KAZN: variants seen among roughly 807,000 people sequenced by gnomAD.
KAZN encodes the protein kazrin, periplakin interacting protein.
Under a neutral mutation model 87.4 loss-of-function variants are expected in KAZN, and 40 were observed. That is an observed-to-expected ratio of 0.46 (90% CI 0.36 to 0.60). The LOEUF is 0.60. Among genes scored for constraint, KAZN ranks in the 20% least tolerant of loss-of-function variants. KAZN has a pLI of 0.00. For missense variants in KAZN, 898 were observed against 1,073.9 expected, an observed-to-expected ratio of 0.84 and a Z score of 2.29; for synonymous variants, 466 against 458.3, an observed-to-expected ratio of 1.02 and a Z score of -0.22.
intron 2 of KAZN, among the ~76,000 whole-genome samples, chr1:14,259,870 A>G (rs1460032287): frequency 2.6e-5 from 4 of 152,230 alleles, no homozygotes; most frequent in Non-Finnish European, 5.9e-5. Flanking sequence ...GGTCCAGGAA[A>G]TACCAGAGCT....
At chr1:14,690,424 G>T (rs1191329157) in intron 1 of KAZN, among the ~76,000 whole-genome samples, 1 of 152,192 alleles carries the variant, frequency 6.6e-6, no homozygotes, top group African/African-American at 2.4e-5. Flanking sequence ...GCTGCAGACC[G>T]AGCTGGGCGT....
intron 2 of KAZN, among the ~76,000 whole-genome samples, chr1:14,505,726 C>T (rs1361534736): frequency 2.6e-5 from 4 of 152,212 alleles, no homozygotes; most frequent in Admixed American, 2.6e-4. Context: ...GTAATCCCAA[C>T]ACTTTGGGAG....
intron 1 of KAZN, among the ~76,000 whole-genome samples, chr1:14,662,759 A>G (rs923781470): frequency 6.6e-6 from 1 of 151,448 alleles, no homozygotes; most frequent in African/African-American, 2.4e-5. Flanking sequence ...GCAATTCACA[A>G]GAAACACCTC....
At chr1:15,086,692 G>T (rs1557788300) in intron 8 of KAZN, among the ~76,000 whole-genome samples, 2 of 152,182 alleles carry the variant, frequency 1.3e-5, no homozygotes, top group Admixed American at 1.3e-4. Flanking sequence ...TTTCAAAAGA[G>T]GATAGAATTA....
At chr1:13,984,936 A>G (rs1638938939) in intron 1 of KAZN, among the ~76,000 whole-genome samples, 1 of 152,180 alleles carries the variant, frequency 6.6e-6, no homozygotes, top group Admixed American at 6.5e-5. Flanking sequence ...AATGAAGTTT[A>G]TTGTGAATAA....
intron 10 of KAZN, among the ~76,000 whole-genome samples, chr1:15,100,278 A>T (rs925731736): frequency 6.6e-6 from 1 of 152,126 alleles, no homozygotes; most frequent in African/African-American, 2.4e-5. Context: ...TGCTGAATGC[A>T]TATCCGGGCA....
chr1:14,451,803 C>A (rs1372303556), intron 2 of KAZN, among the ~76,000 whole-genome samples: 2 of 152,142 alleles, frequency 1.3e-5, no homozygotes, highest in Non-Finnish European at 2.9e-5. Flanking sequence ...CAAATCCAAA[C>A]CCAAGGACCA....
Position 14,007,848 on chromosome 1 carries a change from G to A in KAZN, c.91+114092G>A, listed in dbSNP as rs149562467. 5.4e-3 allele frequency among the ~76,000 whole-genome samples: 820 copies of A among 152,254 alleles called. 5 individuals carry two copies. Among genetic ancestry groups the A allele is most frequent in the African/African-American group, 0.019 (779 of 41,532 alleles). On this transcript the variant is annotated intron_variant, in intron 1 of 16. Coordinates refer to the KAZN transcript ENST00000636203. Reference sequence around the variant, plus strand: ...ATGATTTTTAACTCTAAGTCGGCGGGAGCTAAAGGAAAGGAGTGTTGGAAC... The same window carrying A: ...ATGATTTTTAACTCTAAGTCGGCGGAAGCTAAAGGAAAGGAGTGTTGGAAC...
chr1:14,553,117 G>A (rs1365896320), intron 2 of KAZN, among the ~76,000 whole-genome samples: 2 of 152,338 alleles, frequency 1.3e-5, no homozygotes, highest in Admixed American at 6.5e-5. Flanking sequence ...GCTCATGCCT[G>A]TAGTCCTAAC....
intron 2 of KAZN, among the ~76,000 whole-genome samples, chr1:14,263,565 C>T (rs1238416377): frequency 1.3e-5 from 2 of 151,456 alleles, no homozygotes; most frequent in African/African-American, 4.8e-5. Context: ...AATGCAAAGA[C>T]AAAACTCTGG....
chr1:14,338,057 G>A (rs1020082665), intron 2 of KAZN, among the ~76,000 whole-genome samples: 2 of 152,124 alleles, frequency 1.3e-5, no homozygotes, highest in Non-Finnish European at 2.9e-5. Context: ...ATTCTGGTGA[G>A]AATGGACCCC....
In KAZN at chr1:14,140,039, T is replaced by C. The variant is rs1187371987; in HGVS notation, c.92-40396T>C. On this transcript the variant is annotated intron_variant, in intron 1 of 16. Coordinates refer to the KAZN transcript ENST00000636203. Reference sequence around the variant, plus strand: ...CCAGCTTTCTTGTTGACACACCATATAGGCATCCATGAAAGTCTTCAAAAA... The same window carrying C: ...CCAGCTTTCTTGTTGACACACCATACAGGCATCCATGAAAGTCTTCAAAAA... Among the ~76,000 whole-genome samples the C allele has an allele frequency of 2.6e-5, 4 of 151,950 alleles. No individual in the cohort carries two copies. In the East Asian group the frequency reaches 7.8e-4, roughly 29 times the overall value.
In KAZN at chr1:14,599,117, G is replaced by GAGCGGC. The variant is rs754349526; in HGVS notation, c.121_126dup (p.Ser41_Gly42dup). The stretch of plus-strand genomic sequence containing the variant: ...CCACCAACCGGAGACTGGCGGAACT[G>GAGCGGC]AGCGGCGGCGGCGGCCCCGGCCCGG... On this transcript the variant is annotated inframe_insertion, in exon 1 of 15. Transcript: ENST00000376030. This position sits in a 1 kb window ranked among gnomAD's most constrained non-coding sequence, Gnocchi z 4.4. The GAGCGGC allele has an allele frequency of 1.8e-5, 27 of 1,532,852 alleles. No individual in the cohort carries two copies. Among genetic ancestry groups the GAGCGGC allele is most frequent in the African/African-American group, 4.3e-5 (3 of 69,850 alleles). The allele number at this position is 1,532,852 out of a possible 1,614,324, so 95.0% of individuals were successfully genotyped here.
chr1:14,991,756 T>G (rs1375023499), intron 2 of KAZN, among the ~76,000 whole-genome samples: 1 of 152,176 alleles, frequency 6.6e-6, no homozygotes, highest in African/African-American at 2.4e-5. Context: ...GAGTCAGCCC[T>G]GCAGCAGATT....
chr1:14,776,009 T>C (rs1037938697), intron 1 of KAZN, among the ~76,000 whole-genome samples: 3 of 152,138 alleles, frequency 2.0e-5, no homozygotes, highest in African/African-American at 7.2e-5. Context: ...GTTTATTTTT[T>C]ATTTTATTTT....
In KAZN at chr1:14,820,293, G is replaced by A. The variant is rs1646701815; in HGVS notation, c.227-140391G>A. 6.6e-6 allele frequency among the ~76,000 whole-genome samples: 1 copy of A among 152,222 alleles called. No individual in the cohort carries two copies. The highest frequency in any genetic ancestry group is 2.1e-4 in the South Asian group (1 of 4,834). ...TACTCTCCCTAACTGTTTCCCCGCA[G>A]AGGCTTCAGGGCTTTTGAGGGTTAC... On this transcript the variant is annotated intron_variant, in intron 1 of 14. Coordinates refer to ENST00000376030, the MANE Select transcript of KAZN (RefSeq NM_201628.3). This position sits in a 1 kb window ranked among gnomAD's most constrained non-coding sequence, Gnocchi z 4.1.
At chr1:14,172,295 G>A (rs867362981) in intron 1 of KAZN, among the ~76,000 whole-genome samples, 10 of 152,232 alleles carry the variant, frequency 6.6e-5, no homozygotes, top group African/African-American at 2.2e-4. Flanking sequence ...AAATGGAGAA[G>A]AATGTGCATA....
At chr1:14,039,984 A>G (rs371505221) in intron 1 of KAZN, among the ~76,000 whole-genome samples, 19 of 152,332 alleles carry the variant, frequency 1.2e-4, no homozygotes, top group African/African-American at 4.1e-4. Context: ...AAAACGTTAG[A>G]TAAATCTTAC....
intron 1 of KAZN, among the ~76,000 whole-genome samples, chr1:14,785,226 A>G (rs1305099808): frequency 2.6e-5 from 4 of 152,212 alleles, no homozygotes; most frequent in Admixed American, 2.6e-4. Flanking sequence ...CCTTGGGAAA[A>G]CTGGGAAGCA....
Sources: gnomAD v4.1 joint callset for allele counts (sites outside exome capture counted in the v4.1 genomes callset) on GRCh38, gnomAD v4.1.1 for gene constraint, Gnocchi (gnomAD v3.1) non-coding constraint, MANE v1.5 for transcripts, NCBI Gene and HGNC (gene_info 2026-07-23, HGNC 2026-07-21) for gene names.